DIAPH2: variants seen among roughly 807,000 people sequenced by gnomAD.
DIAPH2 encodes diaphanous related formin 2, also known as protein diaphanous homolog 2.
In DIAPH2, 35 loss-of-function variants were observed where a neutral mutation model predicts 92.7. That is an observed-to-expected ratio of 0.38 (90% CI 0.29 to 0.50). The LOEUF is 0.50. DIAPH2 is among the 20% of genes least tolerant of loss of function. The pLI is 0.94. For missense variants in DIAPH2, 701 were observed against 819.5 expected, an observed-to-expected ratio of 0.86 and a Z score of 1.77; for synonymous variants, 301 against 280.4, an observed-to-expected ratio of 1.07 and a Z score of -0.73.
Position 97,603,438 on chromosome X carries a change from T to C in DIAPH2, c.*4121T>C. 9.0e-6 allele frequency: 1 copy of C among 110,508 alleles called. No individual in the cohort carries two copies. Among genetic ancestry groups the C allele is most frequent in the Non-Finnish European group, 1.9e-5 (1 of 52,914 alleles). The allele number at this position is 110,508 out of a possible 1,213,427, so 9.1% of individuals were successfully genotyped here. A position where few individuals can be genotyped will look rare whatever the true frequency, so the allele number is the denominator to read the frequency against. Reference sequence around the variant, plus strand: ...ATGCCTGGCTAATTTTTTGCATTTTTTTGTAGAGACTTGATCTTGCTATGT... The same window carrying C: ...ATGCCTGGCTAATTTTTTGCATTTTCTTGTAGAGACTTGATCTTGCTATGT... On this transcript the variant is annotated 3_prime_UTR_variant, in exon 27 of 27. Transcript: ENST00000324765.
intron 23 of DIAPH2, among the ~76,000 whole-genome samples, chrX:97,329,891 G>GACACACAC (rs201851023): frequency 1.8e-4 from 14 of 79,478 alleles, no homozygotes; most frequent in African/African-American, 6.3e-4. Flanking sequence ...TGCATTCTTA[G>GACACACAC]ACACACACAC....
intron 26 of DIAPH2, among the ~76,000 whole-genome samples, chrX:97,514,352 CA>C (rs1206172403): frequency 5.4e-5 from 6 of 111,955 alleles, no homozygotes; most frequent in Non-Finnish European, 1.1e-4. Flanking sequence ...CCTTGGTTTT[CA>C]GCTCCATCAG....
chrX:97,125,293 T>C (rs627794), intron 21 of DIAPH2, among the ~76,000 whole-genome samples: 8,808 of 107,543 alleles, frequency 0.082, 613 homozygotes, highest in African/African-American at 0.2. Context: ...GCCAAGATGG[T>C]GAAATCCCGT....
At chrX:97,566,900 TTATATC>T (rs763882891) in intron 26 of DIAPH2, among the ~76,000 whole-genome samples, 2 of 111,778 alleles carry the variant, frequency 1.8e-5, no homozygotes, top group Non-Finnish European at 3.8e-5. Flanking sequence ...TAAACGCTGA[TTATATC>T]TATAATAATG....
At chrX:97,025,860 C>T (rs2066331253) in intron 17 of DIAPH2, among the ~76,000 whole-genome samples, 1 of 111,549 alleles carries the variant, frequency 9.0e-6, no homozygotes, top group Admixed American at 9.5e-5. Flanking sequence ...AGAGTTTCTC[C>T]TCCATTGTGA....
intron 17 of DIAPH2, among the ~76,000 whole-genome samples, chrX:97,012,989 T>C (rs1393991059): frequency 1.8e-5 from 2 of 112,332 alleles, no homozygotes; most frequent in Non-Finnish European, 3.8e-5. Flanking sequence ...CCTCTCAAAC[T>C]AACTGGAAGC....
In DIAPH2 at chrX:97,181,057, T is replaced by TTTG. The variant is rs764200751; in HGVS notation, c.2719+39290_2719+39292dup. On this transcript the variant is annotated intron_variant, in intron 22 of 26. Coordinates refer to ENST00000324765, the MANE Select transcript of DIAPH2 (RefSeq NM_006729.5). ...TTCTATGAAGAATGTCAATGGCAGT[T>TTTG]TTGTTGTTGTTGTTGTTGTTGTTGT... Among the ~76,000 whole-genome samples the TTTG allele has an allele frequency of 1.3e-3, 145 of 110,368 alleles. 1 individual carries two copies. The highest frequency in any genetic ancestry group is 8.9e-3 in the East Asian group (31 of 3,502).
intron 4 of DIAPH2, among the ~76,000 whole-genome samples, chrX:96,782,113 T>TTTTAG (rs1483588274): frequency 9.0e-6 from 1 of 111,502 alleles, no homozygotes; most frequent in Non-Finnish European, 1.9e-5. Context: ...TTTTATTTTA[T>TTTTAG]TGTAGAGACA....
chrX:97,289,015 G>T (rs749718942), intron 23 of DIAPH2, among the ~76,000 whole-genome samples: 6 of 111,331 alleles, frequency 5.4e-5, no homozygotes, highest in South Asian at 3.8e-4. Flanking sequence ...ATTTGTTTTT[G>T]TCCAGGGTGT....
intron 4 of DIAPH2, among the ~76,000 whole-genome samples, chrX:96,848,556 A>G (rs1195557549): frequency 9.0e-6 from 1 of 111,204 alleles, no homozygotes; most frequent in Non-Finnish European, 1.9e-5. Context: ...TCTTGTGGGC[A>G]TTTTCCAAGT....
intron 23 of DIAPH2, among the ~76,000 whole-genome samples, chrX:97,252,857 C>T (rs757699594): frequency 9.0e-6 from 1 of 111,401 alleles, no homozygotes; most frequent in East Asian, 2.8e-4. Flanking sequence ...ACTGTCTGCT[C>T]CTCTCAAATG....
At chrX:97,098,810 A>G (rs760173480) in intron 19 of DIAPH2, among the ~76,000 whole-genome samples, 171 of 113,147 alleles carry the variant, frequency 1.5e-3, no homozygotes, top group African/African-American at 5.1e-3. Flanking sequence ...CGCTGCCTTT[A>G]AGGATAATCA....
intron 22 of DIAPH2, among the ~76,000 whole-genome samples, chrX:97,150,647 TCTAC>T (rs1252140183): frequency 8.9e-6 from 1 of 111,852 alleles, no homozygotes; most frequent in Non-Finnish European, 1.9e-5. Flanking sequence ...CTCCAACTAT[TCTAC>T]CTTTCAATGG....
chrX:96,892,795 G>A (rs1192533499), intron 5 of DIAPH2, among the ~76,000 whole-genome samples: 1 of 111,275 alleles, frequency 9.0e-6, no homozygotes, highest in Non-Finnish European at 1.9e-5. Flanking sequence ...GCTCCACCAA[G>A]GCAATACATT....
At chrX:97,095,272 G>A (rs111671570) in intron 19 of DIAPH2, among the ~76,000 whole-genome samples, 95 of 104,757 alleles carry the variant, frequency 9.1e-4, no homozygotes, top group African/African-American at 3.1e-3. Flanking sequence ...GCCCGCCACC[G>A]TGCCTGGCTA....
intron 19 of DIAPH2, among the ~76,000 whole-genome samples, chrX:97,095,872 CTCAA>C (rs1173043552): frequency 8.9e-6 from 1 of 112,281 alleles, no homozygotes; most frequent in Non-Finnish European, 1.9e-5. Flanking sequence ...GAAAACTCTG[CTCAA>C]TCAATGACAT....
chrX:96,822,333 C>G (rs1057247126), intron 4 of DIAPH2, among the ~76,000 whole-genome samples: 1 of 111,603 alleles, frequency 9.0e-6, no homozygotes, highest in Non-Finnish European at 1.9e-5. Context: ...TTTCTTCCTT[C>G]CCTTCCTAGT....
chrX:96,897,082 G>T (rs1362853358), intron 5 of DIAPH2, among the ~76,000 whole-genome samples: 3 of 111,771 alleles, frequency 2.7e-5, no homozygotes, highest in Non-Finnish European at 5.6e-5. Context: ...GAAGGTGTAA[G>T]TTCAAGAGAT....
At chrX:96,995,563 A>G (rs774019963) in intron 17 of DIAPH2, among the ~76,000 whole-genome samples, 1 of 111,384 alleles carries the variant, frequency 9.0e-6, no homozygotes, top group South Asian at 3.8e-4. Flanking sequence ...CCAATTTATT[A>G]TGGAAAATTG....
Sources: allele counts gnomAD v4.1 joint callset (sites outside exome capture counted in the v4.1 genomes callset), GRCh38; gene constraint gnomAD v4.1.1; transcripts MANE v1.5; gene names NCBI Gene and HGNC (gene_info 2026-07-23, HGNC 2026-07-21).